RPH3A: variants seen among roughly 807,000 people sequenced by gnomAD.
RPH3A encodes the protein rabphilin-3A.
RPH3A carries 48 observed loss-of-function variants against 102.2 expected under a neutral mutation model. The observed-to-expected ratio is 0.47, with a 90% CI of 0.37 to 0.60. The LOEUF (loss-of-function observed/expected upper bound fraction) is 0.60. Among genes scored for constraint, RPH3A ranks in the 20% least tolerant of loss-of-function variants. The probability of loss-of-function intolerance (pLI) is 0.00; values close to 1 mark genes in which losing one functional copy is unlikely to be tolerated. For synonymous variants in RPH3A, 310 were observed against 324.3 expected (o/e 0.96, Z 0.47); for missense variants, 781 against 910.1 (o/e 0.86, Z 1.83).
intron 1 of RPH3A, among the ~76,000 whole-genome samples, chr12:112,748,643 C>T (rs986988864): frequency 6.6e-6 from 1 of 152,186 alleles, no homozygotes; most frequent in Non-Finnish European, 1.5e-5. Context: ...CCTGCTCCCA[C>T]TCTTGAACAT....
chr12:112,790,073 TG>T (rs1419653694), upstream of RPH3A, among the ~76,000 whole-genome samples: 6 of 151,812 alleles, frequency 4.0e-5, no homozygotes, highest in Non-Finnish European at 8.8e-5. Context: ...TTTTTTTTTT[TG>T]AGATGGAGTT....
intron 1 of RPH3A, among the ~76,000 whole-genome samples, chr12:112,706,408 G>T (rs1329466990): frequency 6.6e-6 from 1 of 152,096 alleles, no homozygotes; most frequent in Non-Finnish European, 1.5e-5. Flanking sequence ...CAGGTTCAAG[G>T]ATGCACTCTT....
intron 1 of RPH3A, among the ~76,000 whole-genome samples, chr12:112,614,202 A>G (rs1489230459): frequency 6.6e-6 from 1 of 152,182 alleles, no homozygotes; most frequent in African/African-American, 2.4e-5. Context: ...ATAAATTTGC[A>G]TTGTTGAAAT....
intron 1 of RPH3A, among the ~76,000 whole-genome samples, chr12:112,785,052 G>A (rs560853103): frequency 4.6e-5 from 7 of 151,930 alleles, no homozygotes; most frequent in Non-Finnish European, 8.8e-5. Context: ...GAGAAACCCC[G>A]TCTCTACTAA....
At chr12:112,875,246 G>A (rs2042775084) in intron 11 of RPH3A, 76 bp downstream of exon 11, 1 of 1,162,450 alleles carries the variant, frequency 8.6e-7, no homozygotes, top group Non-Finnish European at 1.2e-6. Flanking sequence ...ATCCCTGCTT[G>A]CAGAGCATGC....
At chr12:112,786,028 G>A (rs181591414) in intron 1 of RPH3A, among the ~76,000 whole-genome samples, 275 of 151,720 alleles carry the variant, frequency 1.8e-3, no homozygotes, top group African/African-American at 6.5e-3. Context: ...GAGCGGGGAA[G>A]GTATGGTGGT....
chr12:112,815,563 G>A (rs2041657492), intron 2 of RPH3A, among the ~76,000 whole-genome samples: 2 of 152,196 alleles, frequency 1.3e-5, no homozygotes, highest in African/African-American at 4.8e-5. Context: ...CCTCTCTGCT[G>A]TGAGCATTTT....
chr12:112,851,558 C>T (rs2042322530), intron 5 of RPH3A, among the ~76,000 whole-genome samples: 1 of 152,158 alleles, frequency 6.6e-6, no homozygotes, highest in Admixed American at 6.5e-5. Context: ...TGCCCTCAGG[C>T]TTACCAGGAA....
rs375109702 is a variant in RPH3A, at chr12:112,773,711, T to C, written c.-139-18432T>C. ...TGCCTACCTCACCAATGGGCCACAA[T>C]GAGAGGTGGGGGTGGGAGCAGGACT... On this transcript the variant is annotated intron_variant, in intron 1 of 21. Transcript: ENST00000543106. 2.7e-3 allele frequency among the ~76,000 whole-genome samples: 400 copies of C among 150,342 alleles called. 2 individuals carry two copies. Among genetic ancestry groups the C allele is most frequent in the African/African-American group, 9.5e-3 (390 of 40,954 alleles).
At chr12:112,717,726 A>AT (rs58732893) in intron 1 of RPH3A, among the ~76,000 whole-genome samples, 2,282 of 137,464 alleles carry the variant, frequency 0.017, 55 homozygotes, top group African/African-American at 0.052. Context: ...ATAGGTTTTC[A>AT]TTTTTTTTTT....
At position 112,887,156 on chromosome 12, in the gene RPH3A, TACTC is replaced by T. The variant is rs1336207016; in HGVS notation, c.1437-639_1437-636del. Among the ~76,000 whole-genome samples the T allele has an allele frequency of 3.3e-5, 5 of 152,290 alleles. No individual in the cohort carries two copies. The East Asian group carries it at 7.7e-4, about 23-fold the overall frequency. On this transcript the variant is annotated intron_variant, in intron 16 of 21. Transcript: ENST00000389385. ...GCCAGCAACCCTACTCCTAGGAAAATACTCAATAGAAATATGTACATGTATATCC... is the reference window on the plus strand; with the variant it reads ...GCCAGCAACCCTACTCCTAGGAAAATAATAGAAATATGTACATGTATATCC...
At chr12:112,806,680 G>A (rs1385670889) in intron 2 of RPH3A, among the ~76,000 whole-genome samples, 1 of 151,796 alleles carries the variant, frequency 6.6e-6, no homozygotes, top group Non-Finnish European at 1.5e-5. Context: ...GTTTTCTGAG[G>A]AATATTTGAT....
chr12:112,870,310 C>CA (rs377457634), intron 10 of RPH3A, among the ~76,000 whole-genome samples: 50,952 of 105,458 alleles, frequency 0.48, 10,510 homozygotes, highest in Admixed American at 0.58. Context: ...CTCCCCGCCT[C>CA]AAAAAAAAAA....
chr12:112,829,071 C>T (rs1000386618), intron 3 of RPH3A, among the ~76,000 whole-genome samples: 2 of 152,218 alleles, frequency 1.3e-5, no homozygotes, highest in Non-Finnish European at 2.9e-5. Flanking sequence ...GTTACCCACC[C>T]ATCCCAGTTG....
intron 1 of RPH3A, among the ~76,000 whole-genome samples, chr12:112,677,010 C>A (rs2040180007): frequency 6.6e-6 from 1 of 152,212 alleles, no homozygotes; most frequent in African/African-American, 2.4e-5. Context: ...TCAGGAATTA[C>A]CGCTGGCTGC....
At chr12:112,858,363 T>C (rs879517769) in intron 5 of RPH3A, among the ~76,000 whole-genome samples, 11 of 150,672 alleles carry the variant, frequency 7.3e-5, no homozygotes, top group Non-Finnish European at 1.2e-4. Flanking sequence ...TGAAAGCCCT[T>C]GCATGCAGTC....
chr12:112,710,921 A>C (rs1212444777), intron 1 of RPH3A, among the ~76,000 whole-genome samples: 2 of 152,152 alleles, frequency 1.3e-5, no homozygotes, highest in Non-Finnish European at 2.9e-5. Context: ...GTGCTTAATA[A>C]ATATTTGTTG....
At chr12:112,630,715 A>G (rs2039798018) in intron 1 of RPH3A, among the ~76,000 whole-genome samples, 1 of 152,136 alleles carries the variant, frequency 6.6e-6, no homozygotes. Flanking sequence ...TATCTCCTGT[A>G]ATTCAGGTCA....
chr12:112,822,153 G>A (rs899715191), intron 2 of RPH3A, among the ~76,000 whole-genome samples: 4 of 152,196 alleles, frequency 2.6e-5, no homozygotes, highest in African/African-American at 9.6e-5. Flanking sequence ...TGCACTCAGG[G>A]GAAGAGACAA....
Sources: allele counts gnomAD v4.1 joint callset (sites outside exome capture counted in the v4.1 genomes callset), GRCh38; gene constraint gnomAD v4.1.1; transcripts MANE v1.5; gene names NCBI Gene and HGNC (gene_info 2026-07-23, HGNC 2026-07-21).